Variants in CACNA2D2 observed in about 807,000 individuals in gnomAD.
The protein encoded by CACNA2D2 is calcium voltage-gated channel auxiliary subunit alpha2delta 2, also known as voltage-dependent calcium channel subunit alpha-2/delta-2.
A neutral mutation model predicts 166.4 loss-of-function variants in CACNA2D2; 48 were observed. The ratio of observed to expected loss-of-function variants is 0.29; its 90% CI spans 0.23 to 0.37. CACNA2D2 has a LOEUF of 0.37. CACNA2D2 is among the 10% of genes least tolerant of loss of function. The pLI, the probability that CACNA2D2 is intolerant of heterozygous loss-of-function variation, is 1.00. For synonymous variants in CACNA2D2, 561 were observed against 573.7 expected, an observed-to-expected ratio of 0.98 and a Z score of 0.32; for missense variants, 1,122 against 1,433.0, an observed-to-expected ratio of 0.78 and a Z score of 3.50.
chr3:50,367,730 A>G lies in CACNA2D2; in HGVS notation c.2235-26T>C. The G allele has an allele frequency of 6.2e-7, 1 of 1,612,204 alleles. No homozygotes were observed. The highest frequency in any genetic ancestry group is 8.5e-7 in the Non-Finnish European group (1 of 1,178,888). ...CTGGGGGTAGCAGGGGGGTGGGGTC[A>G]CAGGCCTGCCTTCTGCTGGGCAGGT... On this transcript the variant is annotated intron_variant, in intron 25 of 37. Transcript: ENST00000424201. This position sits in a 1 kb window ranked among gnomAD's most constrained non-coding sequence, Gnocchi z 6.5.
At chr3:50,441,827 T>C (rs896248169) in intron 2 of CACNA2D2, among the ~76,000 whole-genome samples, 2 of 152,254 alleles carry the variant, frequency 1.3e-5, no homozygotes, top group Admixed American at 1.3e-4. Flanking sequence ...TGAGAGGTCC[T>C]TTCTCCAAGG....
intron 3 of CACNA2D2, among the ~76,000 whole-genome samples, chr3:50,430,042 G>C (rs972626099): frequency 6.6e-6 from 1 of 152,184 alleles, no homozygotes; most frequent in Non-Finnish European, 1.5e-5. Context: ...AGGGGTGCTG[G>C]GCTTAAGCCT....
intron 3 of CACNA2D2, among the ~76,000 whole-genome samples, chr3:50,415,051 G>A (rs565008560): frequency 2.0e-5 from 3 of 152,356 alleles, no homozygotes; most frequent in Non-Finnish European, 2.9e-5. Context: ...CGGAGAACGC[G>A]GGTCATGGGG....
At chr3:50,429,901 G>T (rs1490214744) in intron 3 of CACNA2D2, among the ~76,000 whole-genome samples, 1 of 152,012 alleles carries the variant, frequency 6.6e-6, no homozygotes, top group African/African-American at 2.4e-5. Context: ...TGAAGCAGAA[G>T]CTGGGTGCCA....
intron 1 of CACNA2D2, among the ~76,000 whole-genome samples, chr3:50,482,986 G>A (rs754184669): frequency 8.5e-5 from 13 of 152,202 alleles, no homozygotes; most frequent in Non-Finnish European, 1.8e-4. Context: ...AGATTACAGT[G>A]CCTTCAGATG....
intron 2 of CACNA2D2, among the ~76,000 whole-genome samples, chr3:50,474,336 C>T (rs1432741276): frequency 6.6e-6 from 1 of 152,196 alleles, no homozygotes; most frequent in Admixed American, 6.5e-5. Flanking sequence ...TCTGTATCAG[C>T]CTGTCCATTG....
intron 2 of CACNA2D2, among the ~76,000 whole-genome samples, chr3:50,447,316 G>C (rs1368441878): frequency 6.6e-6 from 1 of 152,190 alleles, no homozygotes; most frequent in Non-Finnish European, 1.5e-5. Flanking sequence ...CCTTCTCGTG[G>C]TCAGGTGCCC....
chr3:50,387,474 G>T, intron 5 of CACNA2D2, 94 bp downstream of exon 5: 1 of 1,053,788 alleles, frequency 9.5e-7, no homozygotes, highest in Non-Finnish European at 1.5e-6. Context: ...GCAGGGTTGA[G>T]CTCAGAATGT....
At chr3:50,499,283 TAG>T (rs1438008447) in intron 1 of CACNA2D2, among the ~76,000 whole-genome samples, 6 of 152,022 alleles carry the variant, frequency 3.9e-5, no homozygotes, top group African/African-American at 1.2e-4. Flanking sequence ...ATGAGCAAAG[TAG>T]AGAGACAGGC....
intron 3 of CACNA2D2, among the ~76,000 whole-genome samples, chr3:50,429,134 G>A (rs1053614707): frequency 6.6e-6 from 1 of 152,154 alleles, no homozygotes; most frequent in Non-Finnish European, 1.5e-5. Context: ...GGAGGCTGAG[G>A]CATGAGAATT....
At position 50,363,096 on chromosome 3, in the gene CACNA2D2, TTC is replaced by T. The variant is rs1704020508; in HGVS notation, c.*1568_*1569del. On this transcript the variant is annotated 3_prime_UTR_variant, in exon 38 of 38. Coordinates refer to ENST00000424201, the MANE Select transcript of CACNA2D2 (RefSeq NM_006030.4). ...CTGATGGGGATTGTTTTGTCTGTTTTTCTGTTTTTTAAACTTAAAATATATAT... is the reference window on the plus strand; with the variant it reads ...CTGATGGGGATTGTTTTGTCTGTTTTTGTTTTTTAAACTTAAAATATATAT... 1 of 398,706 alleles carries T rather than the reference TTC, an allele frequency of 2.5e-6. No homozygotes were observed. Among genetic ancestry groups the T allele is most frequent in the Non-Finnish European group, 4.4e-6 (1 of 226,046 alleles). 24.7% of individuals were successfully genotyped at this position (398,706 alleles called of 1,614,324 possible). A position where few individuals can be genotyped will look rare whatever the true frequency, so the allele number is the denominator to read the frequency against.
At position 50,364,584 on chromosome 3, in the gene CACNA2D2, A is replaced by C. The variant is rs1411186473; in HGVS notation, c.*82T>G. On this transcript the variant is annotated 3_prime_UTR_variant, in exon 38 of 38. Transcript: ENST00000424201. ...TCAGTGAGGGAGGGACGAGGCTCTA[A>C]GGCGGGGAGTGTGGGGCAGGAGGGT... 7.1e-7 allele frequency: 1 copy of C among 1,405,758 alleles called. No individual in the cohort carries two copies. Among genetic ancestry groups the C allele is most frequent in the Non-Finnish European group, 9.3e-7 (1 of 1,071,256 alleles). 87.1% of individuals were successfully genotyped at this position (1,405,758 alleles called of 1,614,324 possible). A position where few individuals can be genotyped will look rare whatever the true frequency, so the allele number is the denominator to read the frequency against.
rs587614446 is a variant in CACNA2D2, at chr3:50,375,388, C to T, written c.1907+256G>A. 1.1e-4 allele frequency among the ~76,000 whole-genome samples: 17 copies of T among 152,326 alleles called. No homozygotes were observed. The highest frequency in any genetic ancestry group is 3.8e-4 in the African/African-American group (16 of 41,566). ...CTCTGCCCTGAGACTGTGAGGCAGG[C>T]TGACAGCATGCCAAGGGCAGTATCC... is the stretch of plus-strand genomic sequence containing the variant. On this transcript the variant is annotated intron_variant, in intron 21 of 37. Transcript: ENST00000424201. This position sits in a 1 kb window ranked among gnomAD's most constrained non-coding sequence, Gnocchi z 4.0.
chr3:50,374,630 G>T, intron 22 of CACNA2D2, 107 bp downstream of exon 22: 1 of 1,294,568 alleles, frequency 7.7e-7, no homozygotes, highest in Non-Finnish European at 1.1e-6. Context: ...AGACTGGGCA[G>T]GAGGGACTGC....
intron 3 of CACNA2D2, among the ~76,000 whole-genome samples, chr3:50,404,069 C>T (rs1463821148): frequency 6.6e-6 from 1 of 152,182 alleles, no homozygotes; most frequent in Non-Finnish European, 1.5e-5. Context: ...GTCAAGGGGT[C>T]AGGGGGTGGA....
intron 1 of CACNA2D2, among the ~76,000 whole-genome samples, chr3:50,479,753 A>T (rs1470975809): frequency 6.6e-6 from 1 of 152,248 alleles, no homozygotes; most frequent in Non-Finnish European, 1.5e-5. Flanking sequence ...AAGCTGATCA[A>T]ATCCTGCCCA....
chr3:50,448,387 G>A (rs1351044355), intron 2 of CACNA2D2, among the ~76,000 whole-genome samples: 1 of 152,184 alleles, frequency 6.6e-6, no homozygotes, highest in Non-Finnish European at 1.5e-5. Flanking sequence ...CCCAGATGAT[G>A]CAGAAGCCAG....
intron 1 of CACNA2D2, among the ~76,000 whole-genome samples, chr3:50,482,198 A>C (rs2107119909): frequency 6.6e-6 from 1 of 152,288 alleles, no homozygotes; most frequent in East Asian, 1.9e-4. Context: ...AAAGCAGCTG[A>C]AGCAGGGCTT....
In CACNA2D2 at chr3:50,365,087, TCTG is replaced by T; in HGVS notation, c.3193_3195del (p.Gln1065del). The T allele has an allele frequency of 6.2e-7, 1 of 1,611,436 alleles. No homozygotes were observed. On this transcript the variant is annotated inframe_deletion, in exon 36 of 38. Transcript: ENST00000424201. This position sits in a 1 kb window ranked among gnomAD's most constrained non-coding sequence, Gnocchi z 4.5. The stretch of plus-strand genomic sequence containing the variant: ...GGGGGCAGGATACAGTGCGTCTCCT[TCTG>T]CAGCAGCCGGCCAGCCTCGCACTGG...
Sources: allele counts gnomAD v4.1 joint callset (sites outside exome capture counted in the v4.1 genomes callset), GRCh38; gene constraint gnomAD v4.1.1; non-coding constraint Gnocchi (gnomAD v3.1); transcripts MANE v1.5; gene names NCBI Gene and HGNC (gene_info 2026-07-23, HGNC 2026-07-21).